The following CCDC171 variants were observed in gnomAD, a reference collection of about 807,000 sequenced individuals.
CCDC171 encodes the protein coiled-coil domain containing 171.
In CCDC171, 177 loss-of-function variants were observed where a neutral mutation model predicts 168.2. The observed-to-expected ratio is 1.05, with a 90% CI of 0.93 to 1.19. The LOEUF is 1.19. CCDC171 is among the 50% of genes most tolerant of loss of function. The pLI is 0.00. For synonymous variants in CCDC171, 687 were observed against 540.8 expected (o/e 1.27, Z -3.75); for missense variants, 1,991 against 1,539.0 (o/e 1.29, Z -4.91).
chr9:15,596,525 C>G (rs1043264107), intron 6 of CCDC171, among the ~76,000 whole-genome samples: 1 of 152,062 alleles, frequency 6.6e-6, no homozygotes, highest in Non-Finnish European at 1.5e-5. Context: ...GGTACCAGTA[C>G]CATGCTGTTT....
chr9:16,009,531 G>A (rs567509218), intron 3 of CCDC171, among the ~76,000 whole-genome samples: 56 of 152,164 alleles, frequency 3.7e-4, no homozygotes, highest in Admixed American at 8.5e-4. Context: ...TCTTGGACCC[G>A]TTATCTTTAA....
At chr9:15,925,541 T>C (rs925967061) in intron 25 of CCDC171, among the ~76,000 whole-genome samples, 15 of 151,660 alleles carry the variant, frequency 9.9e-5, no homozygotes, top group African/African-American at 3.6e-4. Context: ...AGGAATGAGC[T>C]CAGATTTGCA....
At chr9:15,763,967 T>C (rs1486847803) in intron 18 of CCDC171, among the ~76,000 whole-genome samples, 2 of 152,168 alleles carry the variant, frequency 1.3e-5, no homozygotes, top group Non-Finnish European at 2.9e-5. Context: ...GCCTGTGTTT[T>C]GCTTGAAAAA....
At chr9:15,954,216 C>G (rs1829536674) in intron 25 of CCDC171, among the ~76,000 whole-genome samples, 1 of 149,492 alleles carries the variant, frequency 6.7e-6, no homozygotes. Flanking sequence ...CTTCCTTCTG[C>G]TAGCTTTCAG....
At chr9:15,712,307 C>G (rs2052728641) in intron 11 of CCDC171, among the ~76,000 whole-genome samples, 1 of 152,224 alleles carries the variant, frequency 6.6e-6, no homozygotes, top group South Asian at 2.1e-4. Context: ...TTCACCATCA[C>G]ATCCCCTTTT....
At chr9:15,657,776 A>G (rs997030097) in intron 8 of CCDC171, among the ~76,000 whole-genome samples, 1 of 152,208 alleles carries the variant, frequency 6.6e-6, no homozygotes, top group South Asian at 2.1e-4. Flanking sequence ...CAATGGGAAT[A>G]TAATAAAGAA....
chr9:15,606,685 T>A (rs1270612450), intron 6 of CCDC171, among the ~76,000 whole-genome samples: 7 of 152,210 alleles, frequency 4.6e-5, no homozygotes, highest in Non-Finnish European at 8.8e-5. Flanking sequence ...GTTGTTTATA[T>A]GAGTATATAT....
At chr9:15,914,337 T>G (rs2987058) in intron 24 of CCDC171, among the ~76,000 whole-genome samples, 113,654 of 152,082 alleles carry the variant, frequency 0.75, 44,074 homozygotes, top group East Asian at 0.86. Flanking sequence ...TTTCAGAGAT[T>G]CCCTGCCCAG....
At chr9:15,757,136 G>A (rs2056171745) in intron 18 of CCDC171, among the ~76,000 whole-genome samples, 1 of 152,180 alleles carries the variant, frequency 6.6e-6, no homozygotes, top group South Asian at 2.1e-4. Context: ...CTTTGGAACT[G>A]GGTAACAGGC....
chr9:16,087,505 A>C, the CCDC171 span, among the ~76,000 whole-genome samples: 3 of 129,854 alleles, frequency 2.3e-5, no homozygotes, highest in Admixed American at 7.8e-5. Context: ...GTCTTTTTTG[A>C]TCTTTGTTGG....
Position 16,021,286 on chromosome 9 carries a change from C to T in CCDC171, n.574+492C>T, listed in dbSNP as rs1032004902. Among the ~76,000 whole-genome samples the T allele has an allele frequency of 6.6e-5, 10 of 152,136 alleles. No homozygotes were observed. The East Asian group carries it at 1.4e-3, about 21-fold the overall frequency. On this transcript the variant is annotated intron_variant and non_coding_transcript_variant, in intron 4 of 9. Coordinates refer to the CCDC171 transcript ENST00000486641. ...TATTTTTAGTAGAGACAGGGTTTCA[C>T]GATGTTGGCCAGGATGGTCTCAATC... is the stretch of plus-strand genomic sequence containing the variant.
chr9:15,695,217 T>C lies in CCDC171; in HGVS notation c.1216-18T>C. 1 of 1,584,558 alleles carries C rather than the reference T, an allele frequency of 6.3e-7. No individual in the cohort carries two copies. Among genetic ancestry groups the C allele is most frequent in the East Asian group, 2.2e-5 (1 of 44,704 alleles). On this transcript the variant is annotated intron_variant, in intron 10 of 25. Transcript: ENST00000380701. ...TATAATACGTGACCTTATGTGTAAT[T>C]TTTTTCTTAATTAAAAGGCTAAGAA...
chr9:16,031,511 C>G lies in CCDC171; in HGVS notation n.999-3946C>G, dbSNP rs146851630. On this transcript the variant is annotated intron_variant and non_coding_transcript_variant, in intron 6 of 9. Coordinates refer to the CCDC171 transcript ENST00000486641. ...GTGTTTACTGTGATATGCTAAATTA[C>G]CTGAATCTGTTGCACCCTAATTTCT... Among the ~76,000 whole-genome samples the G allele has an allele frequency of 8.1e-4, 123 of 152,262 alleles. 1 individual carries two copies. Among genetic ancestry groups the G allele is most frequent in the African/African-American group, 2.8e-3 (115 of 41,528 alleles).
intron 3 of CCDC171, among the ~76,000 whole-genome samples, chr9:15,993,588 A>T (rs1435412363): frequency 6.6e-6 from 1 of 152,242 alleles, no homozygotes; most frequent in African/African-American, 2.4e-5. Flanking sequence ...GCCAAAATTG[A>T]CAAATGGGAT....
At chr9:15,800,205 G>T (rs567140959) in intron 21 of CCDC171, among the ~76,000 whole-genome samples, 16 of 152,138 alleles carry the variant, frequency 1.1e-4, no homozygotes, top group African/African-American at 3.9e-4. Flanking sequence ...GTTCTCCATA[G>T]TGGTTGTACT....
chr9:15,923,814 G>C (rs1404883333), intron 25 of CCDC171, among the ~76,000 whole-genome samples: 1 of 151,348 alleles, frequency 6.6e-6, no homozygotes, highest in Non-Finnish European at 1.5e-5. Context: ...ATTACAGGAA[G>C]TCTAGAAGTA....
chr9:15,605,952 G>A (rs1012396258), intron 6 of CCDC171, among the ~76,000 whole-genome samples: 1 of 152,100 alleles, frequency 6.6e-6, no homozygotes, highest in Non-Finnish European at 1.5e-5. Flanking sequence ...TGGGGCATAT[G>A]TTACATGACA....
In CCDC171 at chr9:15,590,961, C is replaced by T. The variant is rs370956164; in HGVS notation, c.353-405C>T. ...AACTCCTAGGCTCAAGTGATCCTCC[C>T]GCCTCAGCCTCCAGAGTAGCTGGGA... On this transcript the variant is annotated intron_variant, in intron 4 of 25. Coordinates refer to ENST00000380701, the MANE Select transcript of CCDC171 (RefSeq NM_173550.4). Among the ~76,000 whole-genome samples the T allele has an allele frequency of 4.9e-4, 75 of 151,622 alleles. No homozygotes were observed. The South Asian group carries it at 0.013, about 27-fold the overall frequency.
At chr9:15,747,229 C>T (rs903588938) in intron 18 of CCDC171, among the ~76,000 whole-genome samples, 3 of 152,222 alleles carry the variant, frequency 2.0e-5, no homozygotes, top group African/African-American at 7.2e-5. Context: ...CATATCTGAT[C>T]AAAAGGCAGC....
Sources: gnomAD v4.1 joint callset for allele counts (sites outside exome capture counted in the v4.1 genomes callset) on GRCh38, gnomAD v4.1.1 for gene constraint, MANE v1.5 for transcripts, NCBI Gene and HGNC (gene_info 2026-07-23, HGNC 2026-07-21) for gene names.